The following ATP8A2 variants were observed in gnomAD, a reference collection of about 807,000 sequenced individuals.
The protein encoded by ATP8A2 is phospholipid-transporting ATPase IB.
A neutral mutation model predicts 165.6 loss-of-function variants in ATP8A2; 100 were observed. The ratio of observed to expected loss-of-function variants is 0.60; its 90% confidence interval spans 0.51 to 0.71. The LOEUF is 0.71. ATP8A2 is among the 30% of genes least tolerant of loss of function. The probability of loss-of-function intolerance (pLI) is 0.00; values close to 1 mark genes in which losing one functional copy is unlikely to be tolerated. For missense variants in ATP8A2, 1,227 were observed against 1,479.5 expected (o/e 0.83, Z 2.80); for synonymous variants, 543 against 548.8 (o/e 0.99, Z 0.15).
intron 2 of ATP8A2, among the ~76,000 whole-genome samples, chr13:25,507,267 T>TG (rs1272252224): frequency 2.6e-4 from 33 of 126,412 alleles, no homozygotes; most frequent in African/African-American, 1.0e-3. Context: ...GTGTGTGTAT[T>TG]TTGTTGTTGT....
intron 1 of ATP8A2, among the ~76,000 whole-genome samples, chr13:25,451,114 C>T (rs376599777): frequency 2.0e-5 from 3 of 152,182 alleles, no homozygotes; most frequent in Non-Finnish European, 2.9e-5. Flanking sequence ...GAGGTTGTCT[C>T]GTAGGTCACC....
chr13:25,614,547 G>A (rs2040772238), intron 24 of ATP8A2, among the ~76,000 whole-genome samples: 2 of 152,120 alleles, frequency 1.3e-5, no homozygotes, highest in African/African-American at 2.4e-5. Flanking sequence ...CTATGAGCTA[G>A]TGTGATCTTT....
At chr13:25,937,565 G>T (rs1422299847) in intron 33 of ATP8A2, among the ~76,000 whole-genome samples, 1 of 150,950 alleles carries the variant, frequency 6.6e-6, no homozygotes, top group Non-Finnish European at 1.5e-5. Flanking sequence ...AAGGAACAAA[G>T]ACAGGCGGGA....
rs781164740 is a variant in ATP8A2, at chr13:25,699,207, A to T, written c.2246A>T (p.Asp749Val). 1 of 1,612,298 alleles carries T rather than the reference A, an allele frequency of 6.2e-7. No homozygotes were observed. Among genetic ancestry groups the T allele is most frequent in the South Asian group, 1.1e-5 (1 of 90,502 alleles). Reference protein sequence around the residue: ...TRAAITQHCTDLGNLLGKEND... With the variant: ...TRAAITQHCTVLGNLLGKEND... The stretch of plus-strand genomic sequence containing the variant: ...GCAGCCATTACTCAGCACTGCACTG[A>T]CCTTGGGAATTTGCTGGGCAAGGAA... Residue 749 changes from aspartate to valine, a missense_variant, in exon 25 of 37, where the codon GAC becomes GTC. This residue lies in a region of ATP8A2 where 592 missense variants were observed against 785.6 expected (regional missense o/e 0.75). Transcript: ENST00000381655.
At chr13:25,634,027 T>C (rs1040830845) in intron 24 of ATP8A2, among the ~76,000 whole-genome samples, 4 of 152,174 alleles carry the variant, frequency 2.6e-5, no homozygotes, top group Admixed American at 1.3e-4. Flanking sequence ...AAACATTCTT[T>C]TGTTGTTGAT....
At chr13:25,650,653 A>T (rs192799125) in intron 24 of ATP8A2, among the ~76,000 whole-genome samples, 7 of 152,170 alleles carry the variant, frequency 4.6e-5, no homozygotes, top group African/African-American at 1.7e-4. Flanking sequence ...TTTAAGGATG[A>T]TGCTTATTGT....
rs57955107 is a variant in ATP8A2 at position 25,657,052 on chromosome 13, CAAAAAAAAAAAAAAA to C, written c.2212-42106_2212-42092del. On this transcript the variant is annotated intron_variant, in intron 24 of 36. Transcript: ENST00000381655. ...TGGGTGACAGATCGAGACTCTGTCT[CAAAAAAAAAAAAAAA>C]AAAAAAAAAAAAAAGACAGATAGTT... 8.9e-5 allele frequency among the ~76,000 whole-genome samples: 6 copies of C among 67,730 alleles called. No homozygotes were observed. The South Asian group carries it at 4.3e-3, about 49-fold the overall frequency. The allele number at this position is 67,730 out of a possible 152,430, so 44.4% of individuals were successfully genotyped here.
chr13:25,847,280 T>C (rs1374531727), intron 30 of ATP8A2, among the ~76,000 whole-genome samples: 8 of 152,228 alleles, frequency 5.3e-5, no homozygotes, highest in Admixed American at 4.6e-4. Context: ...TCATAGTACA[T>C]TGAAAATATA....
chr13:25,524,242 CT>C (rs2037763136), intron 2 of ATP8A2, among the ~76,000 whole-genome samples: 1 of 152,026 alleles, frequency 6.6e-6, no homozygotes, highest in East Asian at 1.9e-4. Flanking sequence ...TGATTTCTAA[CT>C]TTTTGAATGT....
chr13:25,698,702 C>G (rs957498330), intron 24 of ATP8A2, among the ~76,000 whole-genome samples: 2 of 152,060 alleles, frequency 1.3e-5, no homozygotes, highest in African/African-American at 4.8e-5. Context: ...TTATTTCTTA[C>G]GCTGGCAATG....
chr13:25,540,888 G>A (rs374365500), intron 8 of ATP8A2, among the ~76,000 whole-genome samples: 1 of 150,346 alleles, frequency 6.7e-6, no homozygotes, highest in East Asian at 1.9e-4. Context: ...TTGAGATGGA[G>A]CCTTGCTCTG....
intron 25 of ATP8A2, among the ~76,000 whole-genome samples, chr13:25,758,297 A>C (rs899994160): frequency 3.9e-5 from 6 of 152,326 alleles, no homozygotes; most frequent in African/African-American, 1.4e-4. Context: ...AAGTCCAAAA[A>C]ACCATTGCAA....
intron 33 of ATP8A2, among the ~76,000 whole-genome samples, chr13:25,938,860 T>G (rs114153082): frequency 0.017 from 2,524 of 151,818 alleles, 61 homozygotes; most frequent in African/African-American, 0.057. Context: ...TTTTTTTTTT[T>G]GAAATGAAGT....
intron 35 of ATP8A2, among the ~76,000 whole-genome samples, chr13:25,999,200 G>A (rs1317547577): frequency 6.6e-6 from 1 of 152,162 alleles, no homozygotes; most frequent in Non-Finnish European, 1.5e-5. Context: ...ATAACAAAAA[G>A]TGTAAGACTT....
At chr13:25,806,027 T>C (rs1347176020) in intron 27 of ATP8A2, among the ~76,000 whole-genome samples, 1 of 152,160 alleles carries the variant, frequency 6.6e-6, no homozygotes, top group Non-Finnish European at 1.5e-5. Flanking sequence ...GGTGATGAGA[T>C]GGGAGATCAT....
chr13:25,931,828 C>T (rs1392907463), intron 33 of ATP8A2, among the ~76,000 whole-genome samples: 1 of 152,018 alleles, frequency 6.6e-6, no homozygotes, highest in Non-Finnish European at 1.5e-5. Context: ...GGGCGTTTCA[C>T]CTGAAGTCAG....
chr13:25,585,833 G>A (rs1167399841), intron 23 of ATP8A2, among the ~76,000 whole-genome samples: 1 of 152,178 alleles, frequency 6.6e-6, no homozygotes, highest in Non-Finnish European at 1.5e-5. Flanking sequence ...TTTCACAGAA[G>A]ATTCAGTCCT....
intron 27 of ATP8A2, among the ~76,000 whole-genome samples, chr13:25,817,227 TA>T (rs1311452881): frequency 1.3e-5 from 2 of 151,884 alleles, no homozygotes; most frequent in Non-Finnish European, 2.9e-5. Context: ...CCTTGAACTA[TA>T]AAAAAAATTT....
At chr13:25,675,267 C>T (rs1461199553) in intron 24 of ATP8A2, among the ~76,000 whole-genome samples, 1 of 152,174 alleles carries the variant, frequency 6.6e-6, no homozygotes, top group African/African-American at 2.4e-5. Context: ...GTGGAGGAAA[C>T]CATGTTGAAT....
Sources: allele counts gnomAD v4.1 joint callset (sites outside exome capture counted in the v4.1 genomes callset), GRCh38; gene constraint gnomAD v4.1.1; regional missense constraint gnomAD v4.1.1; transcripts MANE v1.5; gene names NCBI Gene and HGNC (gene_info 2026-07-23, HGNC 2026-07-21).